Variants in HS3ST3A1 observed in about 807,000 individuals in gnomAD.
HS3ST3A1 encodes heparan sulfate glucosamine 3-O-sulfotransferase 3A1.
HS3ST3A1 carries 19 observed loss-of-function variants against 25.7 expected under a neutral mutation model. The observed-to-expected ratio is 0.74, with a 90% CI of 0.52 to 1.08. The LOEUF (loss-of-function observed/expected upper bound fraction) is 1.08, where lower values mean the gene tolerates loss of function less well. Among genes scored for constraint, HS3ST3A1 ranks in the 50% least tolerant of loss-of-function variants. The pLI is 0.00. For synonymous variants in HS3ST3A1, 226 were observed against 278.6 expected, an observed-to-expected ratio of 0.81 and a Z score of 1.88; for missense variants, 459 against 594.3, an observed-to-expected ratio of 0.77 and a Z score of 2.37.
At chr17:13,514,960 T>G (rs1028146167) in intron 1 of HS3ST3A1, among the ~76,000 whole-genome samples, 36 of 152,194 alleles carry the variant, frequency 2.4e-4, no homozygotes, top group African/African-American at 8.4e-4. Context: ...CCTAGATTAA[T>G]GAACTATATG....
Position 13,600,603 on chromosome 17 carries a change from G to T in HS3ST3A1, c.527C>A (p.Pro176His), listed in dbSNP as rs772235059. The change falls in exon 1 of 2, where the codon CCC becomes CAC. Residue 176 changes from proline (P) to histidine (H), a missense_variant. This residue lies in a region of HS3ST3A1 where 346 missense variants were observed against 303.9 expected (regional missense o/e 1.14). Transcript: ENST00000284110. ...RALLEFLRVH[P>H]DVRAVGAEPH... ...CTCGGCGCCCACGGCGCGCACGTCG[G>T]GGTGCACGCGCAGGAACTCCAGCAG... 1.9e-5 allele frequency: 30 copies of T among 1,600,092 alleles called. No individual in the cohort carries two copies. Among genetic ancestry groups the T allele is most frequent in the Non-Finnish European group, 2.4e-5 (28 of 1,177,920 alleles).
At chr17:13,575,595 T>C (rs983577758) in intron 1 of HS3ST3A1, among the ~76,000 whole-genome samples, 1 of 152,210 alleles carries the variant, frequency 6.6e-6, no homozygotes, top group African/African-American at 2.4e-5. Flanking sequence ...TCTGCCTGTA[T>C]CTGAGGTTCC....
chr17:13,585,217 T>TTTTTG (rs1598433443), intron 1 of HS3ST3A1, among the ~76,000 whole-genome samples: 1 of 115,916 alleles, frequency 8.6e-6, no homozygotes, highest in Non-Finnish European at 1.7e-5. Flanking sequence ...TTTTTTTTTT[T>TTTTTG]GAGACAGAGT....
chr17:13,522,200 T>A (rs1188993780), intron 1 of HS3ST3A1, among the ~76,000 whole-genome samples: 1 of 151,728 alleles, frequency 6.6e-6, no homozygotes, highest in Non-Finnish European at 1.5e-5. Flanking sequence ...TTTGTATGTA[T>A]GTATATGCAG....
intron 1 of HS3ST3A1, among the ~76,000 whole-genome samples, chr17:13,511,036 T>C (rs1178859949): frequency 2.6e-5 from 4 of 151,920 alleles, no homozygotes; most frequent in Non-Finnish European, 5.9e-5. Context: ...CATCCCGGAG[T>C]TGGCATTTTA....
intron 1 of HS3ST3A1, among the ~76,000 whole-genome samples, chr17:13,546,093 C>G (rs142809474): frequency 1.3e-5 from 2 of 152,026 alleles, no homozygotes; most frequent in Non-Finnish European, 2.9e-5. Context: ...TCCACCTGTC[C>G]GCCCTCTCTG....
intron 1 of HS3ST3A1, among the ~76,000 whole-genome samples, chr17:13,594,851 G>A (rs1460351345): frequency 1.3e-5 from 2 of 152,070 alleles, no homozygotes; most frequent in African/African-American, 2.4e-5. Context: ...TTTTGTTGCT[G>A]CTGTAGTTTC....
intron 1 of HS3ST3A1, among the ~76,000 whole-genome samples, chr17:13,580,537 A>G (rs1429408436): frequency 1.3e-5 from 2 of 152,226 alleles, no homozygotes; most frequent in Non-Finnish European, 2.9e-5. Context: ...AATAATTTTA[A>G]AAAGAAAAAC....
At position 13,534,547 on chromosome 17, in the gene HS3ST3A1, C is replaced by CAAAAAAAAAAAAAAAAAA. The variant is rs34383911; in HGVS notation, c.600-37747_600-37730dup. Reference sequence around the variant, plus strand: ...GGTGAAACTTCATCTCTACAAAATCCAAAAAAAAAAAAAAAAAAAAAAAAA... The same window carrying CAAAAAAAAAAAAAAAAAA: ...GGTGAAACTTCATCTCTACAAAATCCAAAAAAAAAAAAAAAAAAAAAAAAAAAAAAAAAAAAAAAAAAA... On this transcript the variant is annotated intron_variant, in intron 1 of 1. Transcript: ENST00000284110. 5.5e-4 allele frequency among the ~76,000 whole-genome samples: 18 copies of CAAAAAAAAAAAAAAAAAA among 32,828 alleles called. 4 individuals carry two copies. The highest frequency in any genetic ancestry group is 8.3e-4 in the Non-Finnish European group (14 of 16,968). The allele number at this position is 32,828 out of a possible 152,430, so 21.5% of individuals were successfully genotyped here. A position where few individuals can be genotyped will look rare whatever the true frequency, so the allele number is the denominator to read the frequency against.
At chr17:13,585,230 T>C (rs62053909) in intron 1 of HS3ST3A1, among the ~76,000 whole-genome samples, 1 of 131,078 alleles carries the variant, frequency 7.6e-6, no homozygotes, top group Non-Finnish European at 1.6e-5. Context: ...GACAGAGTCT[T>C]GCTCTGTCGC....
chr17:13,505,926 G>A (rs1325615032), intron 1 of HS3ST3A1, among the ~76,000 whole-genome samples: 1 of 151,526 alleles, frequency 6.6e-6, no homozygotes, highest in Non-Finnish European at 1.5e-5. Flanking sequence ...AGGAGGTTGA[G>A]GCAGGAGAAT....
intron 1 of HS3ST3A1, among the ~76,000 whole-genome samples, chr17:13,595,846 G>GGTT (rs66635656): frequency 0.059 from 1,099 of 18,748 alleles, 10 homozygotes; most frequent in African/African-American, 0.11. Context: ...AGGCCTTTTT[G>GGTT]GTTGTTGTTG....
chr17:13,594,391 C>T (rs8082418), intron 1 of HS3ST3A1, among the ~76,000 whole-genome samples: 19,182 of 152,198 alleles, frequency 0.13, 1,263 homozygotes, highest in Non-Finnish European at 0.14. Flanking sequence ...AAAGCGCTTT[C>T]CTGTGAAGCT....
chr17:13,544,665 C>T (rs1311727179), intron 1 of HS3ST3A1, among the ~76,000 whole-genome samples: 1 of 152,102 alleles, frequency 6.6e-6, no homozygotes, highest in African/African-American at 2.4e-5. Context: ...CAGAGCCTCT[C>T]CCCGCACCCT....
chr17:13,528,672 G>A (rs1906512029), intron 1 of HS3ST3A1, among the ~76,000 whole-genome samples: 1 of 152,182 alleles, frequency 6.6e-6, no homozygotes. Flanking sequence ...TGGTGACAGA[G>A]GATGAGTTGC....
chr17:13,512,536 T>C (rs1030182320), intron 1 of HS3ST3A1, among the ~76,000 whole-genome samples: 1 of 152,224 alleles, frequency 6.6e-6, no homozygotes, highest in Non-Finnish European at 1.5e-5. Flanking sequence ...TATTGAAACA[T>C]AGCCATGTCC....
intron 1 of HS3ST3A1, chr17:13,543,599 CAA>C (rs1307196788): frequency 6.0e-6 from 1 of 166,946 alleles, no homozygotes; most frequent in Admixed American, 6.6e-5. Flanking sequence ...CTTTCAATGA[CAA>C]AAACCGCGAT....
At position 13,600,441 on chromosome 17, in the gene HS3ST3A1, C is replaced by A. The variant is rs1908688332; in HGVS notation, c.599+90G>T. The A allele has an allele frequency of 2.8e-6, 4 of 1,428,824 alleles. No individual in the cohort carries two copies. In the Middle Eastern group the frequency reaches 7.3e-4, roughly 261 times the overall value. The allele number at this position is 1,428,824 out of a possible 1,614,324, so 88.5% of individuals were successfully genotyped here. A position where few individuals can be genotyped will look rare whatever the true frequency, so the allele number is the denominator to read the frequency against. Reference sequence around the variant, plus strand: ...CTTCTGCATGAAGTGGGGAGGAGGGCGAACTGGGGGTCACCGAGGGCTCCT... The same window carrying A: ...CTTCTGCATGAAGTGGGGAGGAGGGAGAACTGGGGGTCACCGAGGGCTCCT... On this transcript the variant is annotated intron_variant, in intron 1 of 1. Transcript: ENST00000284110.
At chr17:13,560,246 C>T (rs9895752) in intron 1 of HS3ST3A1, among the ~76,000 whole-genome samples, 1,955 of 132,746 alleles carry the variant, frequency 0.015, 45 homozygotes, top group African/African-American at 0.053. Context: ...GCCGAGACAG[C>T]GCCACTATAC....
Sources: gnomAD v4.1 joint callset for allele counts (sites outside exome capture counted in the v4.1 genomes callset) on GRCh38, gnomAD v4.1.1 for gene constraint, gnomAD v4.1.1 regional missense constraint, MANE v1.5 for transcripts, NCBI Gene and HGNC (gene_info 2026-07-23, HGNC 2026-07-21) for gene names.